MAMLD1: variants seen among roughly 807,000 people sequenced by gnomAD.
MAMLD1 encodes mastermind like domain containing 1, also known as mastermind-like domain-containing protein 1.
In MAMLD1, 14 loss-of-function variants were observed where a neutral mutation model predicts 45.0. The observed-to-expected ratio is 0.31, with a 90% CI of 0.21 to 0.49. The LOEUF (loss-of-function observed/expected upper bound fraction) is 0.49. Ranked by LOEUF, MAMLD1 falls within the 20% of genes least tolerant of loss-of-function variation. The pLI is 0.99. For missense variants in MAMLD1, 543 were observed against 603.6 expected, an observed-to-expected ratio of 0.90 and a Z score of 1.05; for synonymous variants, 254 against 247.8, an observed-to-expected ratio of 1.02 and a Z score of -0.24.
chrX:150,474,768 C>A (rs1329136958), intron 5 of MAMLD1, among the ~76,000 whole-genome samples: 1 of 111,544 alleles, frequency 9.0e-6, no homozygotes, highest in Non-Finnish European at 1.9e-5. Context: ...TTCTTGAGCT[C>A]TCCGGCACTC....
intron 1 of MAMLD1, among the ~76,000 whole-genome samples, chrX:150,397,183 G>A (rs1041567159): frequency 8.9e-6 from 1 of 111,879 alleles, no homozygotes; most frequent in Non-Finnish European, 1.9e-5. Context: ...CCTATAGTAT[G>A]TTTTCCTGGC....
intron 1 of MAMLD1, among the ~76,000 whole-genome samples, chrX:150,403,264 A>G (rs1328925918): frequency 9.0e-6 from 1 of 111,219 alleles, no homozygotes; most frequent in Admixed American, 9.5e-5. Flanking sequence ...AAATCATAAG[A>G]ACAAAAAACA....
chrX:150,403,151 A>G (rs2033861955), intron 1 of MAMLD1, among the ~76,000 whole-genome samples: 1 of 111,993 alleles, frequency 8.9e-6, no homozygotes, highest in Non-Finnish European at 1.9e-5. Flanking sequence ...GATCCATGCT[A>G]CATCATGGAG....
chrX:150,423,413 G>A (rs1201334884), intron 1 of MAMLD1, among the ~76,000 whole-genome samples: 1 of 87,625 alleles, frequency 1.1e-5, no homozygotes, highest in Non-Finnish European at 2.2e-5. Flanking sequence ...CGGTTGAGCA[G>A]TCCATAAGGG....
At chrX:150,443,474 T>G (rs1174392292) in intron 1 of MAMLD1, among the ~76,000 whole-genome samples, 1 of 105,861 alleles carries the variant, frequency 9.4e-6, no homozygotes, top group East Asian at 3.0e-4. Context: ...TAGTTACATA[T>G]GTATACATGT....
Position 150,470,345 on chromosome X carries a change from A to C in MAMLD1, c.772A>C (p.Thr258Pro). 1 of 1,208,699 alleles carries C rather than the reference A, an allele frequency of 8.3e-7. No individual in the cohort carries two copies. The highest frequency in any genetic ancestry group is 1.1e-6 in the Non-Finnish European group (1 of 893,326). The change falls in exon 4 of 8, where the codon ACA becomes CCA. Residue 258 changes from threonine (T) to proline (P), a missense_variant. By Grantham distance (38) the Thr-to-Pro change is conservative. Transcript: ENST00000370401. ...GMSLQIPSSS[T>P]GISYSIPSTS... ...GTCACTTCAGATCCCATCCTCCTCC[A>C]CAGGGATCAGCTATTCGATTCCTTC...
intron 5 of MAMLD1, among the ~76,000 whole-genome samples, chrX:150,494,262 T>C (rs1198798636): frequency 1.8e-5 from 2 of 111,013 alleles, no homozygotes; most frequent in Non-Finnish European, 3.8e-5. Context: ...GTCGTGGTGG[T>C]GCCTGCCTGT....
intron 1 of MAMLD1, among the ~76,000 whole-genome samples, chrX:150,389,886 G>A (rs1457477935): frequency 7.1e-5 from 8 of 111,892 alleles, no homozygotes; most frequent in African/African-American, 2.3e-4. Context: ...TGTAATGTCT[G>A]CCTGTCTCCA....
chrX:150,398,257 GAAGAAGAAGA>G (rs2033521693), intron 1 of MAMLD1, among the ~76,000 whole-genome samples: 1 of 24,081 alleles, frequency 4.2e-5, no homozygotes, highest in Non-Finnish European at 7.5e-5. Flanking sequence ...AGAAGGAGAA[GAAGAAGAAGA>G]AGAAGAAGAA....
chrX:150,454,382 T>C (rs2035771959), intron 2 of MAMLD1, among the ~76,000 whole-genome samples: 1 of 111,934 alleles, frequency 8.9e-6, no homozygotes, highest in South Asian at 3.7e-4. Flanking sequence ...CTGCTGTCCA[T>C]CCTTTTGTTT....
At chrX:150,450,574 T>C (rs782371561) in intron 2 of MAMLD1, among the ~76,000 whole-genome samples, 1 of 111,726 alleles carries the variant, frequency 9.0e-6, no homozygotes, top group African/African-American at 3.3e-5. Context: ...ATAACTCTGC[T>C]CTTTGCCTGC....
intron 1 of MAMLD1, among the ~76,000 whole-genome samples, chrX:150,414,041 A>AAAAAAAAAAAAAAAAAAAAAC (rs2034192216): frequency 9.5e-6 from 1 of 105,370 alleles, no homozygotes; most frequent in Non-Finnish European, 2.0e-5. Context: ...AAAAAAAAAA[A>AAAAAAAAAAAAAAAAAAAAAC]AAAAAAAGAG....
chrX:150,366,070 C>T (rs1315275607), intron 1 of MAMLD1, among the ~76,000 whole-genome samples: 2 of 112,006 alleles, frequency 1.8e-5, no homozygotes, highest in Non-Finnish European at 3.8e-5. Flanking sequence ...GAAGGGAATA[C>T]TGAAAAGAAA....
intron 1 of MAMLD1, among the ~76,000 whole-genome samples, chrX:150,439,444 A>G (rs1228155043): frequency 1.8e-5 from 2 of 111,448 alleles, no homozygotes; most frequent in Admixed American, 1.9e-4. Flanking sequence ...TTCTTTTAAG[A>G]GTTTTACAGT....
intron 6 of MAMLD1, among the ~76,000 whole-genome samples, chrX:150,507,333 G>A (rs1324834614): frequency 1.8e-5 from 2 of 112,544 alleles, no homozygotes; most frequent in Admixed American, 9.3e-5. Flanking sequence ...AGTGTCAAAA[G>A]GCAACAACTG....
intron 1 of MAMLD1, among the ~76,000 whole-genome samples, chrX:150,374,795 G>A (rs782509023): frequency 8.9e-6 from 1 of 111,908 alleles, no homozygotes; most frequent in Non-Finnish European, 1.9e-5. Context: ...GCAGAAGTGA[G>A]AAAATGGGAT....
At chrX:150,443,162 C>G (rs1164054770) in intron 1 of MAMLD1, among the ~76,000 whole-genome samples, 2 of 105,881 alleles carry the variant, frequency 1.9e-5, no homozygotes, top group Non-Finnish European at 1.9e-5. Context: ...CACTCAGCTT[C>G]TTAAATTTCC....
chrX:150,488,926 T>C (rs2037083120), intron 5 of MAMLD1, among the ~76,000 whole-genome samples: 1 of 112,990 alleles, frequency 8.9e-6, no homozygotes, highest in Non-Finnish European at 1.9e-5. Context: ...CTTTGGCAGG[T>C]AGAGACCATC....
chrX:150,397,636 C>T (rs1452066341), intron 1 of MAMLD1, among the ~76,000 whole-genome samples: 1 of 111,500 alleles, frequency 9.0e-6, no homozygotes, highest in Non-Finnish European at 1.9e-5. Context: ...AGCTAGTCCT[C>T]TCATACCTTC....
Sources: gnomAD v4.1 joint callset for allele counts (sites outside exome capture counted in the v4.1 genomes callset) on GRCh38, gnomAD v4.1.1 for gene constraint, MANE v1.5 for transcripts, NCBI Gene and HGNC (gene_info 2026-07-23, HGNC 2026-07-21) for gene names.